Variants in SOX5 observed in about 807,000 individuals in gnomAD.
SOX5 encodes transcription factor SOX-5.
Under a neutral mutation model 92.0 loss-of-function variants are expected in SOX5, and 9 were observed. That is an observed-to-expected ratio of 0.10 (90% CI 0.06 to 0.17). SOX5 has a LOEUF of 0.17. SOX5 is among the 10% of genes least tolerant of loss of function. The probability of loss-of-function intolerance (pLI) is 1.00; values close to 1 mark genes in which losing one functional copy is unlikely to be tolerated. For missense variants in SOX5, 642 were observed against 944.5 expected, an observed-to-expected ratio of 0.68 and a Z score of 4.20; for synonymous variants, 344 against 336.3, an observed-to-expected ratio of 1.02 and a Z score of -0.25.
At chr12:23,734,232 G>C (rs2093501460) in intron 6 of SOX5, among the ~76,000 whole-genome samples, 1 of 152,118 alleles carries the variant, frequency 6.6e-6, no homozygotes, top group Non-Finnish European at 1.5e-5. Context: ...AAATCGACTT[G>C]AACACCAAAT....
At chr12:23,727,673 T>C (rs1207494141) in intron 6 of SOX5, among the ~76,000 whole-genome samples, 3 of 152,124 alleles carry the variant, frequency 2.0e-5, no homozygotes, top group African/African-American at 7.2e-5. Context: ...AGAGTGGCAA[T>C]AGGGAGCTAG....
intron 4 of SOX5, among the ~76,000 whole-genome samples, chr12:24,132,718 A>G (rs1236042927): frequency 6.6e-6 from 1 of 152,202 alleles, no homozygotes; most frequent in Non-Finnish European, 1.5e-5. Flanking sequence ...TTAAAATCAA[A>G]CAAGCAAAAA....
chr12:23,748,993 A>C (rs527328943), intron 4 of SOX5, among the ~76,000 whole-genome samples: 1 of 151,956 alleles, frequency 6.6e-6, no homozygotes, highest in African/African-American at 2.4e-5. Flanking sequence ...TAAACTGAAA[A>C]TAACATGAAT....
chr12:24,276,378 A>G lies in SOX5; in HGVS notation c.-77+838T>C, dbSNP rs116240955. On this transcript the variant is annotated intron_variant, in intron 3 of 4. Transcript: ENST00000446891. ...ACTTGCATCTTGAAATGGTGGGAAC[A>G]TAAGTCATAACACTGTAAGAGCAGA... 5.4e-3 allele frequency among the ~76,000 whole-genome samples: 830 copies of G among 152,324 alleles called. 8 individuals are homozygous for G. The highest frequency in any genetic ancestry group is 0.019 in the African/African-American group (784 of 41,600).
At chr12:23,620,011 G>T (rs1426520653) in intron 8 of SOX5, among the ~76,000 whole-genome samples, 1 of 152,054 alleles carries the variant, frequency 6.6e-6, no homozygotes, top group Non-Finnish European at 1.5e-5. Context: ...TCCCAAATGT[G>T]CAAAATACTA....
rs374011851 is a variant in SOX5, at chr12:24,178,090, CATTA to C, written c.-2+35249_-2+35252del. On this transcript the variant is annotated intron_variant, in intron 4 of 4. Transcript: ENST00000446891. Reference sequence around the variant, plus strand: ...AAAATTCACAGTCATCAGTCAACAGCATTAATTGAGTGTCCATGTGGTTTGGAAC... The same window carrying C: ...AAAATTCACAGTCATCAGTCAACAGCATTGAGTGTCCATGTGGTTTGGAAC... 2.4e-3 allele frequency among the ~76,000 whole-genome samples: 367 copies of C among 152,266 alleles called. 5 individuals are homozygous for C. The highest frequency in any genetic ancestry group is 8.4e-3 in the African/African-American group (350 of 41,544).
chr12:23,814,148 G>T (rs1328203246), intron 3 of SOX5, among the ~76,000 whole-genome samples: 1 of 152,096 alleles, frequency 6.6e-6, no homozygotes, highest in African/African-American at 2.4e-5. Context: ...GTAATAAAAA[G>T]AATGAGAAAA....
intron 1 of SOX5, among the ~76,000 whole-genome samples, chr12:24,466,105 AAG>A (rs925092197): frequency 6.6e-6 from 1 of 152,190 alleles, no homozygotes; most frequent in Non-Finnish European, 1.5e-5. Flanking sequence ...AAGAAAGAGA[AAG>A]AGGGAGAGAG....
chr12:24,376,670 T>C (rs1957289726), intron 1 of SOX5, among the ~76,000 whole-genome samples: 1 of 143,620 alleles, frequency 7.0e-6, no homozygotes, highest in Non-Finnish European at 1.5e-5. Context: ...ATTTTCAGAA[T>C]GATGCTATGG....
chr12:23,707,244 T>C (rs1037612216), intron 6 of SOX5, among the ~76,000 whole-genome samples: 4 of 152,194 alleles, frequency 2.6e-5, no homozygotes, highest in African/African-American at 9.6e-5. Context: ...ATTGGGAGAT[T>C]TCTTTTGTTT....
chr12:24,523,973 A>G (rs1950476682), intron 1 of SOX5, among the ~76,000 whole-genome samples: 1 of 152,234 alleles, frequency 6.6e-6, no homozygotes, highest in South Asian at 2.1e-4. Flanking sequence ...GAGAAAACAT[A>G]TTTGCAAACT....
rs151092340 is a variant in SOX5 at position 24,165,598 on chromosome 12, G to A, written c.-2+47745C>T. On this transcript the variant is annotated intron_variant, in intron 4 of 4. Coordinates refer to the SOX5 transcript ENST00000446891. ...GTTTTTGATTTGTGAAGGAGTACAAGATAACTGTATTTCTTACAGTCTGAA... is the reference window on the plus strand; with the variant it reads ...GTTTTTGATTTGTGAAGGAGTACAAAATAACTGTATTTCTTACAGTCTGAA... 3.1e-3 allele frequency among the ~76,000 whole-genome samples: 473 copies of A among 152,208 alleles called. 5 individuals carry two copies. Among genetic ancestry groups the A allele is most frequent in the Middle Eastern group, 0.024 (7 of 294 alleles).
At chr12:24,004,933 G>C (rs1040625609) in intron 4 of SOX5, among the ~76,000 whole-genome samples, 1 of 152,014 alleles carries the variant, frequency 6.6e-6, no homozygotes, top group Non-Finnish European at 1.5e-5. Context: ...TTCAGCAATA[G>C]AAAGTAAAAA....
chr12:24,462,862 A>G (rs7954042), intron 1 of SOX5, among the ~76,000 whole-genome samples: 104,982 of 152,068 alleles, frequency 0.69, 36,299 homozygotes, highest in East Asian at 0.75. Flanking sequence ...TATCAAACAG[A>G]ACTCTCCCCA....
intron 4 of SOX5, among the ~76,000 whole-genome samples, chr12:24,088,618 T>C (rs1477419733): frequency 2.0e-5 from 3 of 151,900 alleles, no homozygotes. Context: ...AAAGGGCTCA[T>C]TTTAGTCTTT....
intron 7 of SOX5, among the ~76,000 whole-genome samples, chr12:23,660,954 C>A (rs1382594928): frequency 6.6e-6 from 1 of 152,150 alleles, no homozygotes; most frequent in Non-Finnish European, 1.5e-5. Context: ...TATGAATTAG[C>A]TACACCACCC....
intron 6 of SOX5, among the ~76,000 whole-genome samples, chr12:23,691,046 T>A (rs75919267): frequency 0.029 from 4,341 of 152,244 alleles, 221 homozygotes; most frequent in African/African-American, 0.099. Flanking sequence ...GGCAGAGCTC[T>A]CACAAGAGAG....
chr12:24,092,866 G>A (rs746582529), intron 4 of SOX5, among the ~76,000 whole-genome samples: 1 of 152,148 alleles, frequency 6.6e-6, no homozygotes, highest in Non-Finnish European at 1.5e-5. Context: ...GTCCAGAAAA[G>A]TGCTTGTGCA....
intron 6 of SOX5, among the ~76,000 whole-genome samples, chr12:23,667,859 A>G (rs1337612257): frequency 6.6e-6 from 1 of 152,200 alleles, no homozygotes; most frequent in Non-Finnish European, 1.5e-5. Flanking sequence ...GTAATCCAAA[A>G]TGTGTGGTTA....
Sources: allele counts gnomAD v4.1 joint callset (sites outside exome capture counted in the v4.1 genomes callset), GRCh38; gene constraint gnomAD v4.1.1; transcripts MANE v1.5; gene names NCBI Gene and HGNC (gene_info 2026-07-23, HGNC 2026-07-21).